Variants in CPN1 observed in about 807,000 individuals in gnomAD.
CPN1 encodes carboxypeptidase N catalytic chain.
Under a neutral mutation model 46.4 loss-of-function variants are expected in CPN1, and 37 were observed. The ratio of observed to expected loss-of-function variants is 0.80; its 90% CI spans 0.61 to 1.05. CPN1 has a LOEUF of 1.05. Among genes scored for constraint, CPN1 ranks in the 50% least tolerant of loss-of-function variants. The probability of loss-of-function intolerance (pLI) is 0.00; values close to 1 mark genes in which losing one functional copy is unlikely to be tolerated. For missense variants in CPN1, 563 were observed against 602.6 expected (o/e 0.93, Z 0.69); for synonymous variants, 224 against 235.4 (o/e 0.95, Z 0.44).
chr10:100,055,601 C>G (rs2041380900), intron 6 of CPN1, among the ~76,000 whole-genome samples: 2 of 152,040 alleles, frequency 1.3e-5, no homozygotes, highest in Admixed American at 1.3e-4. Context: ...CTCAGCTCAC[C>G]ATAACCTCCA....
chr10:100,072,279 G>A (rs12761969), intron 2 of CPN1, among the ~76,000 whole-genome samples: 1 of 151,946 alleles, frequency 6.6e-6, no homozygotes, highest in Non-Finnish European at 1.5e-5. Flanking sequence ...GGGCTCAGGT[G>A]ATCCTCCCAC....
At chr10:100,074,033 AT>A (rs2041500540) in intron 2 of CPN1, among the ~76,000 whole-genome samples, 1 of 136,070 alleles carries the variant, frequency 7.3e-6, no homozygotes, top group Non-Finnish European at 1.7e-5. Flanking sequence ...ACTGGGCCCC[AT>A]CCCCCCCCCA....
At chr10:100,060,933 T>TA (rs1438928385) in intron 5 of CPN1, among the ~76,000 whole-genome samples, 2 of 151,680 alleles carry the variant, frequency 1.3e-5, no homozygotes, top group Non-Finnish European at 2.9e-5. Flanking sequence ...ATTCAGTCAT[T>TA]AAAAAAAATA....
chr10:100,069,705 A>T lies in CPN1; in HGVS notation c.576+9T>A, dbSNP rs371796965. The T allele has an allele frequency of 6.2e-7, 1 of 1,613,782 alleles. No individual in the cohort carries two copies. The highest frequency in any genetic ancestry group is 8.5e-7 in the Non-Finnish European group (1 of 1,179,988). ...TTTACCTGCTTTGTTTGCAAATTTC[A>T]TCTCCTACCTGACTTTTCCAGTTGT... is the stretch of plus-strand genomic sequence containing the variant. On this transcript the variant is annotated intron_variant, in intron 3 of 8. Transcript: ENST00000370418.
At chr10:100,062,772 T>C (rs1232682342) in intron 5 of CPN1, among the ~76,000 whole-genome samples, 1 of 151,644 alleles carries the variant, frequency 6.6e-6, no homozygotes, top group East Asian at 1.9e-4. Context: ...TTTTCTTTTT[T>C]TTTTTTTTGG....
At chr10:100,049,321 G>A (rs2133426782) in intron 7 of CPN1, among the ~76,000 whole-genome samples, 1 of 148,584 alleles carries the variant, frequency 6.7e-6, no homozygotes, top group South Asian at 2.1e-4. Context: ...GGAATGCAGT[G>A]GTATGATCTC....
At chr10:100,064,638 C>T (rs1242280652) in intron 4 of CPN1, among the ~76,000 whole-genome samples, 4 of 151,926 alleles carry the variant, frequency 2.6e-5, no homozygotes, top group African/African-American at 9.7e-5. Context: ...GCCTCGGCCT[C>T]CCAAAGTGCT....
At chr10:100,066,552 T>G (rs2041455757) in intron 3 of CPN1, among the ~76,000 whole-genome samples, 1 of 152,240 alleles carries the variant, frequency 6.6e-6, no homozygotes, top group African/African-American at 2.4e-5. Context: ...GGCTAAGCAG[T>G]GAAATTCCAC....
Position 100,076,061 on chromosome 10 carries a change from C to T in CPN1, c.270G>A (p.Ala90=), listed in dbSNP as rs759014388. ...KYVGNMHGNE[A]LGRELMLQLS... is the part of the protein sequence containing the mutation. ...GCTGCAGCATCAGCTCGCGGCCCAACGCTTCGTTGCCGTGCATGTTCCCCA... is the reference window on the plus strand; with the variant it reads ...GCTGCAGCATCAGCTCGCGGCCCAATGCTTCGTTGCCGTGCATGTTCCCCA... The change falls in exon 2 of 9, where the codon GCG becomes GCA. Residue 90 remains alanine, a synonymous_variant. Coordinates refer to ENST00000370418, the MANE Select transcript of CPN1 (RefSeq NM_001308.3). 5 of 1,614,100 alleles carry T rather than the reference C, an allele frequency of 3.1e-6. No individual in the cohort carries two copies. The highest frequency in any genetic ancestry group is 2.2e-5 in the East Asian group (1 of 44,906).
chr10:100,078,562 C>G (rs141004600), intron 1 of CPN1, among the ~76,000 whole-genome samples: 8 of 152,178 alleles, frequency 5.3e-5, no homozygotes, highest in Admixed American at 5.2e-4. Flanking sequence ...GAGAGTAAAT[C>G]CTTTAGGCTT....
At chr10:100,046,101 A>G (rs2041309531) in intron 8 of CPN1, among the ~76,000 whole-genome samples, 1 of 152,188 alleles carries the variant, frequency 6.6e-6, no homozygotes, top group African/African-American at 2.4e-5. Context: ...TTCTCATCCT[A>G]TCTATAAAAG....
At chr10:100,048,925 C>T (rs1385229788) in intron 7 of CPN1, 49 bp from the exon 8 acceptor site, 1 of 1,437,726 alleles carries the variant, frequency 7.0e-7, no homozygotes, top group Non-Finnish European at 9.8e-7. Flanking sequence ...AAATCTGTCC[C>T]AAATAAGCTA....
At chr10:100,048,937 G>T (rs74152939) in intron 7 of CPN1, 61 bp from the exon 8 acceptor site, 2 of 1,330,588 alleles carry the variant, frequency 1.5e-6, no homozygotes, top group Non-Finnish European at 2.2e-6. Flanking sequence ...AATAAGCTAG[G>T]GTTTTTATCT....
chr10:100,049,289 CTG>C (rs1467368636), intron 7 of CPN1, among the ~76,000 whole-genome samples: 1 of 142,778 alleles, frequency 7.0e-6, no homozygotes, highest in African/African-American at 2.7e-5. Context: ...GAGTCTCACT[CTG>C]TCACTCTGTT....
At chr10:100,078,237 A>G (rs2041526466) in intron 1 of CPN1, among the ~76,000 whole-genome samples, 1 of 152,152 alleles carries the variant, frequency 6.6e-6, no homozygotes, top group Non-Finnish European at 1.5e-5. Flanking sequence ...AAAATTTATT[A>G]CAGAGACAAG....
At chr10:100,047,133 A>G (rs1274183861) in intron 8 of CPN1, among the ~76,000 whole-genome samples, 1 of 152,016 alleles carries the variant, frequency 6.6e-6, no homozygotes, top group East Asian at 1.9e-4. Context: ...CTACTTGGAA[A>G]GATGAAGCAG....
chr10:100,070,008 T>C (rs2041475582), intron 2 of CPN1, 139 bp from the exon 3 acceptor site: 2 of 929,114 alleles, frequency 2.2e-6, no homozygotes, highest in African/African-American at 3.3e-5. Flanking sequence ...CTGCAACCTC[T>C]ACCTACTGGG....
intron 2 of CPN1, among the ~76,000 whole-genome samples, chr10:100,071,456 T>TA (rs1259198438): frequency 1.3e-4 from 20 of 152,192 alleles, no homozygotes; most frequent in African/African-American, 4.8e-4. Context: ...TTCATCTTCA[T>TA]ATGGCCTCCT....
chr10:100,069,298 C>T (rs562965475), intron 3 of CPN1, among the ~76,000 whole-genome samples: 4 of 152,084 alleles, frequency 2.6e-5, no homozygotes, highest in East Asian at 1.9e-4. Context: ...CCTGGTCAAA[C>T]GGTGAAACCC....
Sources: allele counts gnomAD v4.1 joint callset (sites outside exome capture counted in the v4.1 genomes callset), GRCh38; gene constraint gnomAD v4.1.1; transcripts MANE v1.5; gene names NCBI Gene and HGNC (gene_info 2026-07-23, HGNC 2026-07-21).